SCN9A: variants seen among roughly 807,000 people sequenced by gnomAD.
SCN9A encodes the protein sodium voltage-gated channel alpha subunit 9.
SCN9A carries 131 observed loss-of-function variants against 187.0 expected under a neutral mutation model. The observed-to-expected ratio is 0.70, with a 90% confidence interval of 0.61 to 0.81. The LOEUF is 0.81. Among genes scored for constraint, SCN9A ranks in the 30% least tolerant of loss-of-function variants. The pLI is 0.00. For synonymous variants in SCN9A, 809 were observed against 808.6 expected (o/e 1.00, Z -0.01); for missense variants, 2,252 against 2,396.6 (o/e 0.94, Z 1.26).
Position 166,226,584 on chromosome 2 carries a change from T to G in SCN9A, c.4381A>C (p.Asn1461His). 1 of 1,557,388 alleles carries G rather than the reference T, an allele frequency of 6.4e-7. No individual in the cohort carries two copies. Among genetic ancestry groups the G allele is most frequent in the Non-Finnish European group, 8.7e-7 (1 of 1,147,848 alleles). Residue 1461 changes from asparagine to histidine, a missense_variant, in exon 24 of 27, where the codon AAC becomes CAC. This residue lies in a region of SCN9A where 368 missense variants were observed against 408.6 expected (regional missense o/e 0.90). Coordinates refer to ENST00000642356, the MANE Select transcript of SCN9A (RefSeq NM_001365536.1). ...LFIGVIIDNFNQQKKKLGGQD... is the reference protein window; with the variant it reads ...LFIGVIIDNFHQQKKKLGGQD... ...ATACTTATCTTCTTTTTCTGTTGGTTGAAATTATCTATGATGACACCAATG... is the reference window on the plus strand; with the variant it reads ...ATACTTATCTTCTTTTTCTGTTGGTGGAAATTATCTATGATGACACCAATG...
intron 24 of SCN9A, among the ~76,000 whole-genome samples, chr2:166,212,513 G>A (rs1694142180): frequency 6.6e-6 from 1 of 152,120 alleles, no homozygotes; most frequent in Admixed American, 6.6e-5. Flanking sequence ...GATCTGAAGG[G>A]ATAAACATGC....
At chr2:166,331,094 G>A (rs1254020353) in intron 1 of SCN9A, among the ~76,000 whole-genome samples, 1 of 152,078 alleles carries the variant, frequency 6.6e-6, no homozygotes, top group Non-Finnish European at 1.5e-5. Flanking sequence ...TAAATAAGTT[G>A]TCTCTGTATT....
chr2:166,370,472 C>T (rs941803265), intron 1 of SCN9A, among the ~76,000 whole-genome samples: 1 of 150,690 alleles, frequency 6.6e-6, no homozygotes, highest in Non-Finnish European at 1.5e-5. Flanking sequence ...GAACCCAGGA[C>T]GCGGAGCTTG....
intron 7 of SCN9A, 75 bp from the exon 8 acceptor site, chr2:166,294,737 T>C: frequency 2.0e-6 from 2 of 1,015,134 alleles, no homozygotes; most frequent in Non-Finnish European, 2.9e-6. Flanking sequence ...GGTAAATTAA[T>C]TGATATAGAC....
In SCN9A at chr2:166,199,327, G is replaced by T; in HGVS notation, c.5312C>A (p.Thr1771Asn). 6.2e-7 allele frequency: 1 copy of T among 1,614,150 alleles called. No homozygotes were observed. Among genetic ancestry groups the T allele is most frequent in the South Asian group, 1.1e-5 (1 of 91,080 alleles). The change falls in exon 27 of 27, where the codon ACT (threonine) becomes AAT (asparagine). Residue 1771 changes from threonine (T) to asparagine (N), a missense_variant. Physicochemically the swap from Thr to Asn is moderately conservative, Grantham distance 65 (BLOSUM62 0). Coordinates refer to ENST00000642356, the MANE Select transcript of SCN9A (RefSeq NM_001365536.1). ...AAAGTCATCCTCACTCAGAGGTTCAGTACTTTCTTCAGTGGCAACACTAAA... is the reference window on the plus strand; with the variant it reads ...AAAGTCATCCTCACTCAGAGGTTCATTACTTTCTTCAGTGGCAACACTAAA... The part of the protein sequence containing the change: ...ENFSVATEES[T>N]EPLSEDDFEM...
intron 18 of SCN9A, among the ~76,000 whole-genome samples, chr2:166,249,576 A>G (rs1251944809): frequency 4.6e-5 from 7 of 152,134 alleles, no homozygotes; most frequent in Non-Finnish European, 1.0e-4. Context: ...TCAATGGTCC[A>G]AGCCCAGGTT....
At chr2:166,296,853 A>G (rs1698321050) in intron 7 of SCN9A, among the ~76,000 whole-genome samples, 1 of 152,156 alleles carries the variant, frequency 6.6e-6, no homozygotes. Context: ...TGCAAAGAAA[A>G]ATGAAATATT....
rs1425019963 is a variant in SCN9A, at chr2:166,305,918, T to G, written c.470A>C (p.Tyr157Ser). The G allele has an allele frequency of 5.0e-6, 8 of 1,612,538 alleles. No homozygotes were observed. The highest frequency in any genetic ancestry group is 1.1e-5 in the South Asian group (1 of 91,002). The part of the protein sequence containing the change: ...NPPDWTKNVE[Y>S]TFTGIYTFES... ...AAAAGTATATATTCCAGTAAAAGTG[T>G]ACCTAAACACAAGATTCCATTGGGA... The change falls in exon 5 of 27, where the codon TAC (tyrosine) becomes TCC (serine). Residue 157 changes from tyrosine to serine, a missense_variant and splice_region_variant. Physicochemically the swap from Tyr to Ser is moderately radical, Grantham distance 144. This residue lies in a region of SCN9A where 1,013 missense variants were observed against 997.4 expected (regional missense o/e 1.02). Coordinates refer to ENST00000642356, the MANE Select transcript of SCN9A (RefSeq NM_001365536.1).
chr2:166,326,793 G>T (rs1699373922), intron 1 of SCN9A, among the ~76,000 whole-genome samples: 1 of 152,074 alleles, frequency 6.6e-6, no homozygotes, highest in South Asian at 2.1e-4. Context: ...AGATTTTGTG[G>T]CTGCACAACA....
intron 1 of SCN9A, among the ~76,000 whole-genome samples, chr2:166,369,527 G>T (rs1022930535): frequency 6.6e-6 from 1 of 150,872 alleles, no homozygotes; most frequent in African/African-American, 2.4e-5. Flanking sequence ...TTTCCTACCT[G>T]AATTACCATG....
At chr2:166,293,948 C>G (rs1049020546) in intron 8 of SCN9A, among the ~76,000 whole-genome samples, 1 of 152,100 alleles carries the variant, frequency 6.6e-6, no homozygotes, top group Non-Finnish European at 1.5e-5. Flanking sequence ...TTCTGAGATT[C>G]TTCTGGGAAC....
chr2:166,253,956 A>G (rs1696157170), intron 17 of SCN9A, among the ~76,000 whole-genome samples: 1 of 151,852 alleles, frequency 6.6e-6, no homozygotes, highest in Non-Finnish European at 1.5e-5. Context: ...AGCTAAATTC[A>G]TGAAAGCATC....
Position 166,199,329 on chromosome 2 carries a change from A to G in SCN9A, c.5310T>C (p.Ser1770=), listed in dbSNP as rs780166088. 6.2e-7 allele frequency: 1 copy of G among 1,614,200 alleles called. No individual in the cohort carries two copies. The highest frequency in any genetic ancestry group is 1.3e-5 in the African/African-American group (1 of 75,056). ...LENFSVATEE[S]TEPLSEDDFE... ...AGTCATCCTCACTCAGAGGTTCAGT[A>G]CTTTCTTCAGTGGCAACACTAAAAT... is the stretch of plus-strand genomic sequence containing the variant. Residue 1770 remains serine (S), a synonymous_variant, in exon 27 of 27, where the codon AGT becomes AGC. Transcript: ENST00000642356.
At chr2:166,321,980 A>T (rs1327316865) in intron 1 of SCN9A, among the ~76,000 whole-genome samples, 7 of 152,090 alleles carry the variant, frequency 4.6e-5, no homozygotes, top group African/African-American at 1.7e-4. Context: ...TTGATGCTGT[A>T]AAATAATCAA....
chr2:166,308,366 C>T (rs1249586575), intron 2 of SCN9A, among the ~76,000 whole-genome samples: 1 of 152,096 alleles, frequency 6.6e-6, no homozygotes, highest in East Asian at 1.9e-4. Context: ...GTGATTGGAT[C>T]ATGGGAGCGG....
chr2:166,340,363 T>A (rs1264522033), intron 1 of SCN9A, among the ~76,000 whole-genome samples: 1 of 152,174 alleles, frequency 6.6e-6, no homozygotes, highest in Non-Finnish European at 1.5e-5. Flanking sequence ...TACTTTTCAC[T>A]CAGTTTTACT....
At chr2:166,355,357 TA>T (rs914222532) in intron 1 of SCN9A, among the ~76,000 whole-genome samples, 11 of 151,726 alleles carry the variant, frequency 7.2e-5, no homozygotes, top group East Asian at 3.9e-4. Flanking sequence ...TATAGTCATT[TA>T]AAAAAAAACT....
intron 1 of SCN9A, among the ~76,000 whole-genome samples, chr2:166,323,705 T>C (rs1450262980): frequency 1.3e-5 from 2 of 152,110 alleles, no homozygotes. Context: ...ACCAATTCTA[T>C]TGTGGCTCAG....
intron 24 of SCN9A, among the ~76,000 whole-genome samples, chr2:166,206,474 T>C (rs968669019): frequency 6.6e-6 from 1 of 151,968 alleles, no homozygotes; most frequent in Non-Finnish European, 1.5e-5. Flanking sequence ...TGAGAACACA[T>C]GGACACAGGG....
Sources: gnomAD v4.1 joint callset for allele counts (sites outside exome capture counted in the v4.1 genomes callset) on GRCh38, gnomAD v4.1.1 for gene constraint, gnomAD v4.1.1 regional missense constraint, MANE v1.5 for transcripts, NCBI Gene and HGNC (gene_info 2026-07-23, HGNC 2026-07-21) for gene names.